The following ZIM2 variants were observed in gnomAD, a reference collection of about 807,000 sequenced individuals.
ZIM2 encodes zinc finger protein 656.
ZIM2 carries 14 observed loss-of-function variants against 38.6 expected under a neutral mutation model. The ratio of observed to expected loss-of-function variants is 0.36; its 90% CI spans 0.24 to 0.57. The LOEUF (loss-of-function observed/expected upper bound fraction) is 0.57. ZIM2 is among the 20% of genes least tolerant of loss of function. The pLI is 0.81. For missense variants in ZIM2, 680 were observed against 695.1 expected, an observed-to-expected ratio of 0.98 and a Z score of 0.24; for synonymous variants, 247 against 245.8, an observed-to-expected ratio of 1.00 and a Z score of -0.04.
chr19:56,790,772 A>C (rs1294757576), intron 9 of ZIM2, among the ~76,000 whole-genome samples: 1 of 152,186 alleles, frequency 6.6e-6, no homozygotes, highest in African/African-American at 2.4e-5. Context: ...CCACACTTTC[A>C]AGTGTGTTAG....
At chr19:56,789,328 G>A (rs1398063839) in intron 10 of ZIM2, among the ~76,000 whole-genome samples, 1 of 152,220 alleles carries the variant, frequency 6.6e-6, no homozygotes, top group African/African-American at 2.4e-5. Context: ...AGCCGAAGTT[G>A]CAGTAACTGC....
At position 56,836,051 on chromosome 19, in the gene ZIM2, C is replaced by A; in HGVS notation, c.-260G>T. The stretch of plus-strand genomic sequence containing the variant: ...AGCCACCTAGCGTTTGGACCTAGTC[C>A]CTCTTCCTCTCGCCAGTCGTCTCCA... On this transcript the variant is annotated 5_prime_UTR_variant, in exon 2 of 13. Coordinates refer to ENST00000629319, the MANE Select transcript of ZIM2 (RefSeq NM_001387356.1). 1 of 509,622 alleles carries A rather than the reference C, an allele frequency of 2.0e-6. No homozygotes were observed. Among genetic ancestry groups the A allele is most frequent in the Non-Finnish European group, 3.9e-6 (1 of 255,554 alleles). The allele number at this position is 509,622 out of a possible 1,614,324, so 31.6% of individuals were successfully genotyped here.
At chr19:56,830,704 A>G (rs575828687) in intron 2 of ZIM2, among the ~76,000 whole-genome samples, 130 of 152,304 alleles carry the variant, frequency 8.5e-4, no homozygotes, top group Middle Eastern at 3.4e-3. Context: ...AAAACAAATA[A>G]ATAAATCTCC....
intron 9 of ZIM2, chr19:56,817,231 A>G (rs764281298): frequency 6.2e-7 from 1 of 1,614,142 alleles, no homozygotes; most frequent in Non-Finnish European, 8.5e-7. Flanking sequence ...TTGATCGTGA[A>G]TCGAGCCCTT....
chr19:56,838,992 C>T (rs188157873), intron 1 of ZIM2, among the ~76,000 whole-genome samples: 5 of 151,762 alleles, frequency 3.3e-5, no homozygotes, highest in African/African-American at 1.2e-4. Flanking sequence ...CCGCATCTGC[C>T]GCCAACCAAT....
intron 9 of ZIM2, among the ~76,000 whole-genome samples, chr19:56,797,821 C>G (rs982420877): frequency 2.0e-5 from 3 of 152,094 alleles, no homozygotes; most frequent in African/African-American, 4.8e-5. Flanking sequence ...AGACAGGGTG[C>G]CAGTGATGCC....
intron 12 of ZIM2, among the ~76,000 whole-genome samples, chr19:56,778,196 T>C (rs1426389112): frequency 6.6e-6 from 1 of 152,256 alleles, no homozygotes; most frequent in Non-Finnish European, 1.5e-5. Flanking sequence ...GAGATTTGTC[T>C]GTCTTATTCA....
chr19:56,786,507 A>G (rs2046613065), intron 10 of ZIM2, among the ~76,000 whole-genome samples: 1 of 152,132 alleles, frequency 6.6e-6, no homozygotes, highest in Non-Finnish European at 1.5e-5. Flanking sequence ...TTAAACTATT[A>G]TTCATTATTT....
chr19:56,776,237 G>A (rs1022358118), intron 12 of ZIM2, among the ~76,000 whole-genome samples: 1 of 152,080 alleles, frequency 6.6e-6, no homozygotes, highest in African/African-American at 2.4e-5. Context: ...AGAAATCAGA[G>A]AAAGAGCTGG....
chr19:56,832,991 A>C (rs1012619126), intron 2 of ZIM2, among the ~76,000 whole-genome samples: 2 of 152,222 alleles, frequency 1.3e-5, no homozygotes, highest in Non-Finnish European at 2.9e-5. Flanking sequence ...ATAAAGATGA[A>C]ACTCATCAGG....
chr19:56,821,531 T>G, intron 7 of ZIM2, 120 bp downstream of exon 7: 1 of 1,243,488 alleles, frequency 8.0e-7, no homozygotes, highest in Non-Finnish European at 1.1e-6. Flanking sequence ...CCTGGAGCGC[T>G]GGGACTCTCA....
At chr19:56,775,803 T>C (rs899300024) in intron 12 of ZIM2, among the ~76,000 whole-genome samples, 11 of 151,822 alleles carry the variant, frequency 7.2e-5, no homozygotes, top group Middle Eastern at 3.4e-3. Flanking sequence ...GGAAAAAGGA[T>C]AGAAAGGACA....
At chr19:56,795,073 G>A (rs1313874103) in intron 9 of ZIM2, among the ~76,000 whole-genome samples, 1 of 137,884 alleles carries the variant, frequency 7.3e-6, no homozygotes, top group African/African-American at 2.7e-5. Flanking sequence ...TTCTTTTTTT[G>A]AGGCAGAGTC....
At chr19:56,826,590 C>T (rs990722936) in intron 2 of ZIM2, 127 bp from the exon 3 acceptor site, 1 of 152,180 alleles carries the variant, frequency 6.6e-6, no homozygotes, top group Non-Finnish European at 1.5e-5. Context: ...CCTTCTATAC[C>T]TTCGGGGAAA....
intron 2 of ZIM2, among the ~76,000 whole-genome samples, chr19:56,835,415 T>C (rs895256851): frequency 6.6e-6 from 1 of 152,032 alleles, no homozygotes; most frequent in Non-Finnish European, 1.5e-5. Context: ...TCTCTCTGCA[T>C]CTCTCAACAA....
chr19:56,829,043 G>T (rs1019419505), intron 2 of ZIM2, among the ~76,000 whole-genome samples: 13 of 151,836 alleles, frequency 8.6e-5, no homozygotes, highest in African/African-American at 3.1e-4. Context: ...ATGATAATAA[G>T]AAAAAAAAGC....
intron 1 of ZIM2, among the ~76,000 whole-genome samples, chr19:56,837,101 C>G (rs570026628): frequency 6.6e-6 from 1 of 152,034 alleles, no homozygotes; most frequent in South Asian, 2.1e-4. Flanking sequence ...GGAGCCAGGG[C>G]TAGGTAAGTG....
chr19:56,776,225 G>A (rs1355675689), intron 12 of ZIM2, among the ~76,000 whole-genome samples: 1 of 152,112 alleles, frequency 6.6e-6, no homozygotes, highest in Non-Finnish European at 1.5e-5. Flanking sequence ...AGTAGAATGA[G>A]CAGAAATCAG....
intron 11 of ZIM2, 133 bp from the exon 12 acceptor site, chr19:56,779,605 T>C (rs2046217309): frequency 5.0e-6 from 4 of 797,702 alleles, no homozygotes; most frequent in South Asian, 3.4e-5. Flanking sequence ...CTACAGAGAT[T>C]TTACCCCCTA....
Sources: allele counts gnomAD v4.1 joint callset (sites outside exome capture counted in the v4.1 genomes callset), GRCh38; gene constraint gnomAD v4.1.1; transcripts MANE v1.5; gene names NCBI Gene and HGNC (gene_info 2026-07-23, HGNC 2026-07-21).